Variants in LRCH1 observed in about 807,000 individuals in gnomAD.
The protein encoded by LRCH1 is leucine rich repeats and calponin homology domain containing 1, also known as leucine-rich repeat and calponin homology domain-containing protein 1.
Under a neutral mutation model 94.9 loss-of-function variants are expected in LRCH1, and 23 were observed. That is an observed-to-expected ratio of 0.24 (90% CI 0.17 to 0.34). The LOEUF is 0.34. Ranked by LOEUF, LRCH1 falls within the 10% of genes least tolerant of loss-of-function variation. The pLI, the probability that LRCH1 is intolerant of heterozygous loss-of-function variation, is 1.00. For missense variants in LRCH1, 790 were observed against 945.9 expected (o/e 0.84, Z 2.16); for synonymous variants, 364 against 354.9 (o/e 1.03, Z -0.29).
At chr13:46,727,231 C>G (rs1872867721) in intron 17 of LRCH1, among the ~76,000 whole-genome samples, 1 of 152,090 alleles carries the variant, frequency 6.6e-6, no homozygotes, top group African/African-American at 2.4e-5. Flanking sequence ...ATACGTTATT[C>G]ATAACAAAAA....
At chr13:46,665,140 G>A (rs2051498609) in intron 2 of LRCH1, among the ~76,000 whole-genome samples, 1 of 152,126 alleles carries the variant, frequency 6.6e-6, no homozygotes, top group African/African-American at 2.4e-5. Flanking sequence ...GTATATTCCA[G>A]TAGAATTTAA....
At chr13:46,687,294 A>T (rs1333790560) in intron 5 of LRCH1, among the ~76,000 whole-genome samples, 1 of 152,162 alleles carries the variant, frequency 6.6e-6, no homozygotes, top group Admixed American at 6.5e-5. Flanking sequence ...TGGAAAATGG[A>T]ATTTAAACAC....
rs71077918 is a variant in LRCH1, at chr13:46,726,862, CAA to C, written c.1870-1963_1870-1962del. Among the ~76,000 whole-genome samples, 384 of 77,962 alleles carry C rather than the reference CAA, an allele frequency of 4.9e-3. 2 individuals are homozygous for C. Among genetic ancestry groups the C allele is most frequent in the Middle Eastern group, 0.033 (3 of 92 alleles). The allele number at this position is 77,962 out of a possible 152,430, so 51.1% of individuals were successfully genotyped here. A position where few individuals can be genotyped will look rare whatever the true frequency, so the allele number is the denominator to read the frequency against. ...CCACCTTCCCCTGCTAGAGCAGTGT[CAA>C]AAAAAAAAAAAAAAAAAAAAAGGCA... On this transcript the variant is annotated intron_variant, in intron 17 of 19. Transcript: ENST00000389797.
intron 1 of LRCH1, among the ~76,000 whole-genome samples, chr13:46,625,632 G>GTTTTTTTTTTTTTTTTTTTTTTTTT (rs3040224): frequency 1.6e-5 from 2 of 127,202 alleles, no homozygotes; most frequent in Non-Finnish European, 3.2e-5. Flanking sequence ...AATGTGTGGG[G>GTTTTTTTTTTTTTTTTTTTTTTTTT]TTTTTTTTTT....
intron 19 of LRCH1, among the ~76,000 whole-genome samples, chr13:46,737,548 A>C (rs1269286583): frequency 6.6e-6 from 1 of 152,226 alleles, no homozygotes; most frequent in Non-Finnish European, 1.5e-5. Flanking sequence ...TGTGCTGTTG[A>C]TGCTTAGTGG....
chr13:46,690,999 G>T (rs1870866706), intron 7 of LRCH1, among the ~76,000 whole-genome samples: 1 of 152,212 alleles, frequency 6.6e-6, no homozygotes, highest in South Asian at 2.1e-4. Context: ...AAACAGGAAA[G>T]TGTGGAGCTC....
At chr13:46,668,955 T>G in intron 2 of LRCH1, 75 bp from the exon 3 acceptor site, 1 of 1,492,358 alleles carries the variant, frequency 6.7e-7, no homozygotes, top group East Asian at 2.3e-5. Flanking sequence ...TTTCCTTTCT[T>G]GTTAAAAACA....
rs149945475 is a variant in LRCH1, at chr13:46,701,148, G to A, written c.1341G>A (p.Met447Ile). The A allele has an allele frequency of 4.9e-3, 7,931 of 1,613,470 alleles. 24 individuals are homozygous for A. The highest frequency in any genetic ancestry group is 6.1e-3 in the Non-Finnish European group (7,182 of 1,179,420). ...GIISSSKDQD[M>I]DIAMIEQLRE... ...TAAGTTCATCCAAAGATCAGGACAT[G>A]GATATAGCAATGATCGAGCAGCTGA... The change falls in exon 11 of 20, where the codon ATG becomes ATA. Residue 447 changes from methionine (M) to isoleucine (I), a missense_variant. Met to Ile is a conservative substitution (Grantham distance 10). This residue lies in a region of LRCH1 where 460 missense variants were observed against 508.9 expected (regional missense o/e 0.90). Transcript: ENST00000389797.
rs945444792 is a variant in LRCH1 at position 46,742,396 on chromosome 13, G to A, written c.*548G>A. The A allele has an allele frequency of 6.7e-5, 66 of 989,122 alleles. No individual in the cohort carries two copies. Among genetic ancestry groups the A allele is most frequent in the African/African-American group, 3.7e-4 (21 of 57,238 alleles). The allele number at this position is 989,122 out of a possible 1,614,324, so 61.3% of individuals were successfully genotyped here. ...TACTGACCAAGTTGGACGTGTACAC[G>A]TACTCACACTGCCTTGATGGCCATT... is the stretch of plus-strand genomic sequence containing the variant. On this transcript the variant is annotated 3_prime_UTR_variant, in exon 20 of 20. Transcript: ENST00000389797.
chr13:46,717,320 T>C (rs913270830), intron 16 of LRCH1: 3 of 152,186 alleles, frequency 2.0e-5, no homozygotes, highest in African/African-American at 4.8e-5. Context: ...AAAAATAAAA[T>C]AACCTTGCAA....
intron 19 of LRCH1, among the ~76,000 whole-genome samples, chr13:46,737,988 C>T (rs1299093625): frequency 6.6e-6 from 1 of 152,158 alleles, no homozygotes; most frequent in Non-Finnish European, 1.5e-5. Flanking sequence ...AAATAGGTAA[C>T]TTTGATCTCA....
chr13:46,736,779 T>C (rs1020925869), intron 19 of LRCH1, among the ~76,000 whole-genome samples: 3 of 152,174 alleles, frequency 2.0e-5, no homozygotes, highest in African/African-American at 7.2e-5. Context: ...GCCACAGAGA[T>C]CTTAAGTTCT....
intron 7 of LRCH1, among the ~76,000 whole-genome samples, chr13:46,689,712 G>GTCTTC (rs1555283443): frequency 4.0e-5 from 6 of 151,154 alleles, no homozygotes; most frequent in Non-Finnish European, 7.4e-5. Context: ...CTCTTAGATT[G>GTCTTC]TGTTCTGTTC....
Position 46,718,277 on chromosome 13 carries a change from A to T in LRCH1, c.1759+2613A>T, listed in dbSNP as rs79983344. Reference sequence around the variant, plus strand: ...CCAGTTTACATTAGTCTCTGAAATAACCATGTATCTTGTACCAGTTTACAG... The same window carrying T: ...CCAGTTTACATTAGTCTCTGAAATATCCATGTATCTTGTACCAGTTTACAG... On this transcript the variant is annotated intron_variant, in intron 16 of 19. Coordinates refer to ENST00000389797, the MANE Select transcript of LRCH1 (RefSeq NM_001164211.2). 2.2e-3 allele frequency among the ~76,000 whole-genome samples: 342 copies of T among 152,320 alleles called. 1 individual carries two copies. Among genetic ancestry groups the T allele is most frequent in the African/African-American group, 7.8e-3 (323 of 41,570 alleles).
intron 1 of LRCH1, among the ~76,000 whole-genome samples, chr13:46,554,390 C>T (rs901844239): frequency 6.6e-6 from 1 of 152,148 alleles, no homozygotes; most frequent in African/African-American, 2.4e-5. Context: ...AGCGATCGGC[C>T]CTCTTCCTTC....
At chr13:46,609,141 A>G (rs1386182169) in intron 1 of LRCH1, among the ~76,000 whole-genome samples, 1 of 152,092 alleles carries the variant, frequency 6.6e-6, no homozygotes, top group African/African-American at 2.4e-5. Flanking sequence ...CCAGGTGAGC[A>G]TTTTCTGCAC....
chr13:46,612,991 A>T (rs1318309110), intron 1 of LRCH1, among the ~76,000 whole-genome samples: 1 of 152,246 alleles, frequency 6.6e-6, no homozygotes, highest in Non-Finnish European at 1.5e-5. Context: ...GATGAATAAT[A>T]TGATTTGTTG....
chr13:46,733,813 C>T, intron 18 of LRCH1, 108 bp from the exon 19 acceptor site: 1 of 599,426 alleles, frequency 1.7e-6, no homozygotes, highest in South Asian at 2.3e-5. Flanking sequence ...TCTTTTGCTC[C>T]AATAAACATG....
intron 1 of LRCH1, among the ~76,000 whole-genome samples, chr13:46,554,327 C>A (rs2050039139): frequency 6.6e-6 from 1 of 152,340 alleles, no homozygotes; most frequent in South Asian, 2.1e-4. Flanking sequence ...TGCGCTTGTG[C>A]GGGAAAAGAG....
Sources: allele counts gnomAD v4.1 joint callset (sites outside exome capture counted in the v4.1 genomes callset), GRCh38; gene constraint gnomAD v4.1.1; regional missense constraint gnomAD v4.1.1; transcripts MANE v1.5; gene names NCBI Gene and HGNC (gene_info 2026-07-23, HGNC 2026-07-21).